The following ALG9 variants were observed in gnomAD, a reference collection of about 807,000 sequenced individuals.
ALG9 encodes alpha-1,2-mannosyltransferase ALG9.
In ALG9, 55 loss-of-function variants were observed where a neutral mutation model predicts 81.8. The ratio of observed to expected loss-of-function variants is 0.67; its 90% CI spans 0.54 to 0.84. The LOEUF (loss-of-function observed/expected upper bound fraction) is 0.84, where lower values mean the gene tolerates loss of function less well. ALG9 is among the 40% of genes least tolerant of loss of function. ALG9 has a pLI of 0.00. For missense variants in ALG9, 629 were observed against 745.0 expected (o/e 0.84, Z 1.81); for synonymous variants, 278 against 274.3 (o/e 1.01, Z -0.13).
intron 6 of ALG9, among the ~76,000 whole-genome samples, chr11:111,856,106 G>A (rs895104272): frequency 5.3e-5 from 8 of 151,864 alleles, no homozygotes; most frequent in East Asian, 1.9e-4. Context: ...GTAAAACCTC[G>A]TCTCTATTAA....
chr11:111,822,722 T>C (rs1480431924), intron 13 of ALG9, among the ~76,000 whole-genome samples: 1 of 147,258 alleles, frequency 6.8e-6, no homozygotes, highest in African/African-American at 2.5e-5. Flanking sequence ...AAAAACAAAA[T>C]AAACAAACAA....
At chr11:111,845,807 A>G (rs1202457726) in intron 8 of ALG9, among the ~76,000 whole-genome samples, 3 of 152,160 alleles carry the variant, frequency 2.0e-5, no homozygotes, top group African/African-American at 4.8e-5. Context: ...AGTCAGAAAA[A>G]CCTGACATTC....
chr11:111,822,267 G>T (rs979952524), intron 13 of ALG9, among the ~76,000 whole-genome samples: 2 of 151,776 alleles, frequency 1.3e-5, no homozygotes, highest in Non-Finnish European at 2.9e-5. Context: ...AAATTAGCCA[G>T]GCACGGTGGC....
intron 13 of ALG9, among the ~76,000 whole-genome samples, chr11:111,819,653 T>C (rs373475500): frequency 2.0e-4 from 30 of 152,378 alleles, no homozygotes; most frequent in African/African-American, 6.7e-4. Context: ...AATTTAATAC[T>C]TAGCTTTTAA....
rs782260083 is a variant in ALG9 at position 111,786,195 on chromosome 11, C to T, written c.*202G>A. ...TGCCTAGCTGCAAAAAGTTTACATG[C>T]AGAACAGAGACACACACAGGGAGCA... is the stretch of plus-strand genomic sequence containing the variant. On this transcript the variant is annotated 3_prime_UTR_variant, in exon 15 of 15. Coordinates refer to ENST00000616540, the MANE Select transcript of ALG9 (RefSeq NM_024740.2). 46 of 769,512 alleles carry T rather than the reference C, an allele frequency of 6.0e-5. No individual in the cohort carries two copies. Among genetic ancestry groups the T allele is most frequent in the Non-Finnish European group, 9.5e-5 (43 of 454,776 alleles). The allele number at this position is 769,512 out of a possible 1,614,324, so 47.7% of individuals were successfully genotyped here.
Position 111,853,410 on chromosome 11 carries a change from C to T in ALG9, c.865G>A (p.Val289Ile), listed in dbSNP as rs10502151. ...AGATCAGGTCCATGAGGAGTAAAGA[C>T]ATTATACAAAACAATGTTGAGTGGT... ...IAPLNIVLYN[V>I]FTPHGPDLYG... The change falls in exon 8 of 15, where the codon GTC becomes ATC. Residue 289 changes from valine (V) to isoleucine (I), a missense_variant. Physicochemically the swap from Val to Ile is conservative, Grantham distance 29. This residue lies in a region of ALG9 where 344 missense variants were observed against 390.5 expected (regional missense o/e 0.88). Transcript: ENST00000616540. 0.34 allele frequency: 543,760 copies of T among 1,612,176 alleles called. 95,607 individuals carry two copies. Among genetic ancestry groups the T allele is most frequent in the East Asian group, 0.59 (26,273 of 44,852 alleles).
At position 111,809,633 on chromosome 11, in the gene ALG9, A is replaced by G. The variant is rs1419927264; in HGVS notation, c.1733+10T>C. 3.1e-6 allele frequency: 5 copies of G among 1,613,902 alleles called. No individual in the cohort carries two copies. The African/African-American group carries it at 6.7e-5, about 22-fold the overall frequency. On this transcript the variant is annotated intron_variant, in intron 14 of 14. Transcript: ENST00000616540. Reference sequence around the variant, plus strand: ...GTCCTGGAATATCCCATAGGATTAAAGCCACATACCTAGAAGCATCAAGGA... The same window carrying G: ...GTCCTGGAATATCCCATAGGATTAAGGCCACATACCTAGAAGCATCAAGGA...
Position 111,840,698 on chromosome 11 carries a change from G to C in ALG9, c.1130C>G (p.Pro377Arg). 1 of 1,613,876 alleles carries C rather than the reference G, an allele frequency of 6.2e-7. No individual in the cohort carries two copies. Among genetic ancestry groups the C allele is most frequent in the African/African-American group, 1.3e-5 (1 of 74,950 alleles). ...CACAGCGCCACAGAGACATATAAGT[G>C]GATACACAGGGAAAAGAAATCTCTC... is the stretch of plus-strand genomic sequence containing the variant. ...KEERFLFPVY[P>R]LICLCGAVAL... Residue 377 changes from proline to arginine, a missense_variant, in exon 10 of 15, where the codon CCA becomes CGA. By Grantham distance (103) the Pro-to-Arg change is moderately radical (BLOSUM62 -2). Transcript: ENST00000616540.
chr11:111,855,528 C>G (rs1332448239), intron 6 of ALG9, among the ~76,000 whole-genome samples: 1 of 152,032 alleles, frequency 6.6e-6, no homozygotes, highest in African/African-American at 2.4e-5. Context: ...GGAGATACAA[C>G]CAATTAACAC....
At chr11:111,780,350 TTGAGTAC>T (rs1234524413), downstream of ALG9, among the ~76,000 whole-genome samples, 2 of 152,140 alleles carry the variant, frequency 1.3e-5, no homozygotes, top group African/African-American at 2.4e-5. Context: ...ATTGCCCTTT[TTGAGTAC>T]TACAGGCAGG....
At position 111,868,673 on chromosome 11, in the gene ALG9, G is replaced by A. The variant is rs782761440; in HGVS notation, c.334C>T (p.Arg112Cys). Residue 112 changes from arginine (R) to cysteine (C), a missense_variant, in exon 3 of 15, where the codon CGC (arginine) becomes TGC (cysteine). Coordinates refer to ENST00000616540, the MANE Select transcript of ALG9 (RefSeq NM_024740.2). ...TGAAGCAACAGGTAAGCATAGGAGC[G>A]AATGGCATATGCTGGGGAATATTCC... Reference protein sequence around the residue: ...TWEYSPAYAIRSYAYLLLHAW... With the variant: ...TWEYSPAYAICSYAYLLLHAW... 17 of 1,613,570 alleles carry A rather than the reference G, an allele frequency of 1.1e-5. No homozygotes were observed. The highest frequency in any genetic ancestry group is 3.3e-5 in the South Asian group (3 of 91,070).
rs115881471 is a variant in ALG9, at chr11:111,838,591, G to A, written c.1174-192C>T. 9.2e-3 allele frequency among the ~76,000 whole-genome samples: 1,400 copies of A among 152,236 alleles called. 19 individuals carry two copies. The highest frequency in any genetic ancestry group is 0.032 in the African/African-American group (1,342 of 41,526). On this transcript the variant is annotated intron_variant, in intron 10 of 14. Transcript: ENST00000616540. ...GTAGTCTTGGCCAGGCAGAGGGCTT[G>A]CCAACAATAAAATCTCACTAGCTTC...
At chr11:111,853,532 T>C in intron 7 of ALG9, 47 bp from the exon 8 acceptor site, 1 of 1,579,242 alleles carries the variant, frequency 6.3e-7, no homozygotes, top group East Asian at 2.2e-5. Context: ...ATTCTCAAAA[T>C]GCTAATAGGA....
chr11:111,802,380 C>G (rs1290417315), intron 14 of ALG9, among the ~76,000 whole-genome samples: 1 of 152,144 alleles, frequency 6.6e-6, no homozygotes, highest in East Asian at 1.9e-4. Flanking sequence ...CTGATAAATG[C>G]TATAACATGA....
rs148718435 is a variant in ALG9 at position 111,849,806 on chromosome 11, T to C, written c.895+3574A>G. On this transcript the variant is annotated intron_variant, in intron 8 of 14. Coordinates refer to ENST00000616540, the MANE Select transcript of ALG9 (RefSeq NM_024740.2). Reference sequence around the variant, plus strand: ...ATCCATGTCCCTGCAAAGGACATTATCTTGTTCCTTTTTATGGCTGCATAG... The same window carrying C: ...ATCCATGTCCCTGCAAAGGACATTACCTTGTTCCTTTTTATGGCTGCATAG... 4.5e-4 allele frequency: 68 copies of C among 152,358 alleles called. 1 individual carries two copies. The highest frequency in any genetic ancestry group is 1.6e-3 in the African/African-American group (68 of 41,586). 9.4% of individuals were successfully genotyped at this position (152,358 alleles called of 1,614,324 possible). A position where few individuals can be genotyped will look rare whatever the true frequency, so the allele number is the denominator to read the frequency against.
chr11:111,807,426 T>G (rs1950084477), intron 14 of ALG9, among the ~76,000 whole-genome samples: 1 of 152,188 alleles, frequency 6.6e-6, no homozygotes, highest in Non-Finnish European at 1.5e-5. Flanking sequence ...TGTTTGAATA[T>G]CATCTTTTCA....
rs1437536718 is a variant in ALG9, at chr11:111,782,440, T to A, written c.*3957A>T. 6.6e-6 allele frequency: 1 copy of A among 152,536 alleles called. No individual in the cohort carries two copies. Among genetic ancestry groups the A allele is most frequent in the Non-Finnish European group, 1.5e-5 (1 of 68,042 alleles). The allele number at this position is 152,536 out of a possible 1,614,324, so 9.4% of individuals were successfully genotyped here. A position where few individuals can be genotyped will look rare whatever the true frequency, so the allele number is the denominator to read the frequency against. ...AAGCCTCTGAAATCCAACGATGCCA[T>A]ACGGAAGTCTGATCTTTCTGTTGCA... On this transcript the variant is annotated 3_prime_UTR_variant, in exon 15 of 15. Transcript: ENST00000616540.
intron 14 of ALG9, chr11:111,805,315 ACT>A (rs1949753217): frequency 2.2e-6 from 1 of 456,148 alleles, no homozygotes; most frequent in Non-Finnish European, 4.4e-6. Flanking sequence ...AGCCTTCAAA[ACT>A]GTGAGAAGTA....
chr11:111,853,747 G>C lies in ALG9; in HGVS notation c.702-11C>G. 1 of 1,606,204 alleles carries C rather than the reference G, an allele frequency of 6.2e-7. No individual in the cohort carries two copies. The highest frequency in any genetic ancestry group is 8.5e-7 in the Non-Finnish European group (1 of 1,172,842). Reference sequence around the variant, plus strand: ...AAGGCAATGGGTAAACTATTTAACAGAGAAACAGAGCGGGGAGTTAAATAA... The same window carrying C: ...AAGGCAATGGGTAAACTATTTAACACAGAAACAGAGCGGGGAGTTAAATAA... On this transcript the variant is annotated splice_polypyrimidine_tract_variant and intron_variant, in intron 6 of 14. Transcript: ENST00000616540.
Sources: gnomAD v4.1 joint callset for allele counts (sites outside exome capture counted in the v4.1 genomes callset) on GRCh38, gnomAD v4.1.1 for gene constraint, gnomAD v4.1.1 regional missense constraint, MANE v1.5 for transcripts, NCBI Gene and HGNC (gene_info 2026-07-23, HGNC 2026-07-21) for gene names.